The following SCAI variants were observed in gnomAD, a reference collection of about 807,000 sequenced individuals.
SCAI encodes protein SCAI.
SCAI carries 24 observed loss-of-function variants against 92.2 expected under a neutral mutation model. That is an observed-to-expected ratio of 0.26 (90% CI 0.19 to 0.37). The LOEUF is 0.37. SCAI is among the 10% of genes least tolerant of loss of function. The pLI is 1.00. For synonymous variants in SCAI, 261 were observed against 258.6 expected (o/e 1.01, Z -0.09); for missense variants, 450 against 736.2 (o/e 0.61, Z 4.50).
intron 6 of SCAI, among the ~76,000 whole-genome samples, chr9:125,022,895 A>G (rs149619369): frequency 8.1e-4 from 123 of 152,010 alleles, no homozygotes; most frequent in African/African-American, 2.9e-3. Flanking sequence ...CCTGCCTTTC[A>G]TTGTAATGAT....
In SCAI at chr9:125,111,103, T is replaced by TA. The variant is rs1834920321; in HGVS notation, c.98+31529dup. Among the ~76,000 whole-genome samples, 14 of 152,206 alleles carry TA rather than the reference T, an allele frequency of 9.2e-5. No homozygotes were observed. In the South Asian group the frequency reaches 2.9e-3, roughly 31 times the overall value. The stretch of plus-strand genomic sequence containing the variant: ...GCAGTGTATGTACAAAATATAGATG[T>TA]AAAAATCTTAAAACACATATGAGTA... On this transcript the variant is annotated intron_variant, in intron 2 of 17. Transcript: ENST00000336505.
intron 17 of SCAI, among the ~76,000 whole-genome samples, chr9:124,970,587 G>A (rs1831639750): frequency 6.6e-6 from 1 of 151,918 alleles, no homozygotes; most frequent in African/African-American, 2.4e-5. Flanking sequence ...AGGTGTGGTG[G>A]TGGGCGCCTA....
chr9:125,140,690 CAAAAAAAA>C (rs35807255), intron 2 of SCAI, among the ~76,000 whole-genome samples: 1 of 76,508 alleles, frequency 1.3e-5, no homozygotes, highest in Non-Finnish European at 2.5e-5. Context: ...CTTGTCTCTA[CAAAAAAAA>C]AAAAAAAAAA....
At chr9:125,050,092 C>T (rs149478057) in intron 3 of SCAI, among the ~76,000 whole-genome samples, 1 of 151,018 alleles carries the variant, frequency 6.6e-6, no homozygotes, top group African/African-American at 2.4e-5. Context: ...AAAAAAAAGA[C>T]AAGCACTAAC....
chr9:125,143,390 G>T lies in SCAI; in HGVS notation c.48C>A (p.Ala16=), dbSNP rs1352914786. The change falls in exon 1 of 18, where the codon GCC becomes GCA. Residue 16 remains alanine (A), a synonymous_variant. Coordinates refer to ENST00000336505, the MANE Select transcript of SCAI (RefSeq NM_001144877.3). ...CCTCCACCCAGCCCCCGCACCTGGG[G>T]GCCAGGCGACTCCGCGGCTGCTGGG... ...RQPQQPRSRL[A]PRLTGTVEKP... 1 of 1,390,456 alleles carries T rather than the reference G, an allele frequency of 7.2e-7. No homozygotes were observed. Among genetic ancestry groups the T allele is most frequent in the Admixed American group, 2.9e-5 (1 of 34,952 alleles). 86.1% of individuals were successfully genotyped at this position (1,390,456 alleles called of 1,614,324 possible). A position where few individuals can be genotyped will look rare whatever the true frequency, so the allele number is the denominator to read the frequency against.
At chr9:124,960,524 G>A (rs1831416591) in intron 17 of SCAI, among the ~76,000 whole-genome samples, 1 of 152,152 alleles carries the variant, frequency 6.6e-6, no homozygotes, top group African/African-American at 2.4e-5. Context: ...TGAAACAACT[G>A]GAATGAATCT....
At chr9:125,063,248 A>C (rs998772062) in intron 2 of SCAI, among the ~76,000 whole-genome samples, 1 of 151,822 alleles carries the variant, frequency 6.6e-6, no homozygotes, top group African/African-American at 2.4e-5. Context: ...ATCTCTATTA[A>C]AAATACAAAA....
chr9:125,137,987 C>G (rs1437275359), intron 2 of SCAI, among the ~76,000 whole-genome samples: 1 of 152,160 alleles, frequency 6.6e-6, no homozygotes, highest in Non-Finnish European at 1.5e-5. Flanking sequence ...TCATTTTACT[C>G]CAGAAAACTC....
chr9:125,022,232 GT>G (rs2131076285), intron 6 of SCAI, among the ~76,000 whole-genome samples: 1 of 152,098 alleles, frequency 6.6e-6, no homozygotes, highest in South Asian at 2.1e-4. Context: ...GTATATATAA[GT>G]TTATGATTTT....
rs368263949 is a variant in SCAI at position 124,949,866 on chromosome 9, A to G, written c.*2941T>C. ...GGAGTATAGTCTTTGTTTAATACGC[A>G]TTTTTTTGAAGGCATCAATGAAACA... On this transcript the variant is annotated 3_prime_UTR_variant, in exon 18 of 18. Transcript: ENST00000336505. This position sits in a 1 kb window ranked among gnomAD's most constrained non-coding sequence, Gnocchi z 4.0. 1 of 152,176 alleles carries G rather than the reference A, an allele frequency of 6.6e-6. No homozygotes were observed. Among genetic ancestry groups the G allele is most frequent in the Admixed American group, 6.5e-5 (1 of 15,268 alleles). The allele number at this position is 152,176 out of a possible 1,614,324, so 9.4% of individuals were successfully genotyped here.
chr9:124,985,141 C>T (rs144224685), intron 14 of SCAI, among the ~76,000 whole-genome samples: 16 of 152,298 alleles, frequency 1.1e-4, no homozygotes, highest in African/African-American at 3.6e-4. Context: ...AAAGGGTACA[C>T]CCTTTAACCT....
intron 2 of SCAI, among the ~76,000 whole-genome samples, chr9:125,123,467 C>T (rs1195204132): frequency 2.0e-5 from 3 of 151,746 alleles, no homozygotes; most frequent in African/African-American, 7.3e-5. Flanking sequence ...TGGAAATTAT[C>T]CTAAGAGTTT....
rs58586769 is a variant in SCAI at position 125,002,488 on chromosome 9, G to GTTTT, written c.1066-449_1066-446dup. ...ACACTCTGCTTTTGTTTTTTAGTCT[G>GTTTT]TTTTTTTTTTTGAAACAGAGTTTCA... On this transcript the variant is annotated intron_variant, in intron 11 of 17. Coordinates refer to ENST00000336505, the MANE Select transcript of SCAI (RefSeq NM_001144877.3). Among the ~76,000 whole-genome samples the GTTTT allele has an allele frequency of 6.7e-4, 84 of 125,104 alleles. 5 individuals carry two copies. The highest frequency in any genetic ancestry group is 1.0e-3 in the Non-Finnish European group (66 of 63,086). 82.1% of individuals were successfully genotyped at this position (125,104 alleles called of 152,430 possible).
At chr9:125,064,624 T>C (rs1331691633) in intron 2 of SCAI, among the ~76,000 whole-genome samples, 2 of 152,112 alleles carry the variant, frequency 1.3e-5, no homozygotes, top group African/African-American at 4.8e-5. Flanking sequence ...GGTGGGCAGA[T>C]CACCTGGGGT....
chr9:125,078,676 G>C lies in SCAI; in HGVS notation c.99-22669C>G, dbSNP rs1439502923. Among the ~76,000 whole-genome samples, 3 of 152,086 alleles carry C rather than the reference G, an allele frequency of 2.0e-5. No homozygotes were observed. The East Asian group carries it at 5.8e-4, about 29-fold the overall frequency. On this transcript the variant is annotated intron_variant, in intron 2 of 17. Transcript: ENST00000336505. ...CACACTTATAATCCCAGCGCTTTGA[G>C]AGGCCAAGGCAGGAGAGTCACTTGA...
intron 2 of SCAI, among the ~76,000 whole-genome samples, chr9:125,063,757 T>C (rs2131150012): frequency 6.6e-6 from 1 of 150,792 alleles, no homozygotes; most frequent in Admixed American, 6.6e-5. Flanking sequence ...CTTTTATCTT[T>C]TTTTTTTTTT....
chr9:125,081,009 C>T (rs1256656229), intron 2 of SCAI, among the ~76,000 whole-genome samples: 3 of 152,204 alleles, frequency 2.0e-5, no homozygotes, highest in African/African-American at 7.2e-5. Flanking sequence ...TGCTGCCATC[C>T]ATGTAAGATG....
chr9:125,136,792 G>A (rs537026442), intron 2 of SCAI, among the ~76,000 whole-genome samples: 20 of 125,272 alleles, frequency 1.6e-4, no homozygotes, highest in South Asian at 5.0e-4. Context: ...TTTTTGAGAC[G>A]AAGTCTTGCT....
At chr9:124,996,326 G>A (rs1832240209) in intron 13 of SCAI, among the ~76,000 whole-genome samples, 1 of 152,036 alleles carries the variant, frequency 6.6e-6, no homozygotes, top group Non-Finnish European at 1.5e-5. Context: ...GTTTGAGATG[G>A]GGTCTCACTT....
Sources: allele counts gnomAD v4.1 joint callset (sites outside exome capture counted in the v4.1 genomes callset), GRCh38; gene constraint gnomAD v4.1.1; non-coding constraint Gnocchi (gnomAD v3.1); transcripts MANE v1.5; gene names NCBI Gene and HGNC (gene_info 2026-07-23, HGNC 2026-07-21).